The following ZMYND11 variants were observed in gnomAD, a reference collection of about 807,000 sequenced individuals.
ZMYND11 encodes zinc finger MYND-type containing 11.
Under a neutral mutation model 84.9 loss-of-function variants are expected in ZMYND11, and 9 were observed. The observed-to-expected ratio is 0.11, with a 90% CI of 0.06 to 0.18. ZMYND11 has a LOEUF of 0.18. Ranked by LOEUF, ZMYND11 falls within the 10% of genes least tolerant of loss-of-function variation. The probability of loss-of-function intolerance (pLI) is 1.00; values close to 1 mark genes in which losing one functional copy is unlikely to be tolerated. For synonymous variants in ZMYND11, 250 were observed against 244.1 expected (o/e 1.02, Z -0.23); for missense variants, 409 against 761.0 (o/e 0.54, Z 5.44).
intron 4 of ZMYND11, among the ~76,000 whole-genome samples, chr10:225,050 T>C (rs1388282498): frequency 6.6e-6 from 1 of 151,592 alleles, no homozygotes; most frequent in Non-Finnish European, 1.5e-5. Flanking sequence ...GCTTTTAAGA[T>C]TTTAAGATTT....
chr10:179,926 AC>A, intron 1 of ZMYND11, 67 bp from the exon 2 acceptor site: 1 of 857,756 alleles, frequency 1.2e-6, no homozygotes, highest in Non-Finnish European at 1.8e-6. Context: ...TGATAATGTT[AC>A]TCACTTATAC....
chr10:151,524 A>C (rs1840364147), intron 1 of ZMYND11, among the ~76,000 whole-genome samples: 2 of 152,204 alleles, frequency 1.3e-5, no homozygotes, highest in Non-Finnish European at 2.9e-5. Context: ...AAAAGAGAGT[A>C]AAAAGAAATG....
chr10:243,864 C>CA (rs113839628), intron 10 of ZMYND11, among the ~76,000 whole-genome samples: 112 of 152,042 alleles, frequency 7.4e-4, no homozygotes, highest in Admixed American at 2.8e-3. Flanking sequence ...GACTCCGTCT[C>CA]AAAAAAATAA....
intron 2 of ZMYND11, among the ~76,000 whole-genome samples, chr10:193,253 C>T (rs1430791996): frequency 6.6e-6 from 1 of 152,104 alleles, no homozygotes; most frequent in Non-Finnish European, 1.5e-5. Context: ...TCTTATGTTT[C>T]ACTCCATAGT....
intron 1 of ZMYND11, among the ~76,000 whole-genome samples, chr10:147,519 T>A (rs915575852): frequency 1.3e-5 from 2 of 151,884 alleles, no homozygotes; most frequent in East Asian, 1.9e-4. Flanking sequence ...ATGTGCCTTT[T>A]TAAATTTTTT....
intron 1 of ZMYND11, among the ~76,000 whole-genome samples, chr10:163,227 A>AC (rs775357626): frequency 9.3e-5 from 14 of 150,258 alleles, no homozygotes; most frequent in African/African-American, 3.2e-4. Flanking sequence ...GCTCCCCATC[A>AC]CCCCCCCACT....
At chr10:178,638 T>A (rs572869601) in intron 1 of ZMYND11, among the ~76,000 whole-genome samples, 1 of 152,362 alleles carries the variant, frequency 6.6e-6, no homozygotes, top group East Asian at 1.9e-4. Context: ...CTGATTTTCC[T>A]AAAGTTTTCT....
chr10:131,324 A>T (rs1176332759), upstream of ZMYND11, among the ~76,000 whole-genome samples: 1 of 152,174 alleles, frequency 6.6e-6, no homozygotes, highest in Non-Finnish European at 1.5e-5. Context: ...CTGTACATTC[A>T]TGGACAGAAG....
chr10:178,152 AC>A (rs2131752826), intron 1 of ZMYND11, among the ~76,000 whole-genome samples: 1 of 152,300 alleles, frequency 6.6e-6, no homozygotes, highest in East Asian at 1.9e-4. Context: ...TTTTTATAGC[AC>A]ATATTGTGGA....
At chr10:148,432 A>G (rs1839440630) in intron 1 of ZMYND11, 1 of 152,180 alleles carries the variant, frequency 6.6e-6, no homozygotes, top group African/African-American at 2.4e-5. Context: ...TGCTCTGGGA[A>G]GAAGTCCTAA....
intron 9 of ZMYND11, among the ~76,000 whole-genome samples, chr10:241,760 G>A (rs970064299): frequency 3.9e-5 from 6 of 152,120 alleles, no homozygotes; most frequent in African/African-American, 1.2e-4. Flanking sequence ...TTGGCCAAGC[G>A]GGTGCTCTTG....
chr10:245,046 T>C (rs953755277), intron 10 of ZMYND11, among the ~76,000 whole-genome samples: 1 of 152,196 alleles, frequency 6.6e-6, no homozygotes, highest in Non-Finnish European at 1.5e-5. Context: ...TCAGTAAATA[T>C]CTGTTGATTG....
chr10:157,953 A>G (rs1335533897), intron 1 of ZMYND11, among the ~76,000 whole-genome samples: 1 of 152,232 alleles, frequency 6.6e-6, no homozygotes, highest in South Asian at 2.1e-4. Flanking sequence ...TGTAAATGAA[A>G]TCATATAATA....
chr10:248,721 T>C (rs1952720100), intron 13 of ZMYND11, 113 bp downstream of exon 13: 1 of 1,410,220 alleles, frequency 7.1e-7, no homozygotes, highest in Non-Finnish European at 9.4e-7. Context: ...AGCCATATAA[T>C]GACACCAGTA....
chr10:224,601 A>G (rs182394971), intron 4 of ZMYND11, among the ~76,000 whole-genome samples: 1 of 152,224 alleles, frequency 6.6e-6, no homozygotes, highest in Non-Finnish European at 1.5e-5. Context: ...ACCGTATTCC[A>G]TAGTAGGTAA....
intron 1 of ZMYND11, among the ~76,000 whole-genome samples, chr10:156,131 A>G (rs1841659618): frequency 6.6e-6 from 1 of 152,208 alleles, no homozygotes; most frequent in Non-Finnish European, 1.5e-5. Context: ...ATGGGTTTCA[A>G]CTGGGTAAAG....
At chr10:217,709 G>T (rs988708045) in intron 3 of ZMYND11, among the ~76,000 whole-genome samples, 1 of 152,064 alleles carries the variant, frequency 6.6e-6, no homozygotes, top group Non-Finnish European at 1.5e-5. Context: ...AGGCACTCCC[G>T]TAAGGACTGT....
intron 2 of ZMYND11, among the ~76,000 whole-genome samples, chr10:180,600 C>G (rs1191953673): frequency 6.6e-6 from 1 of 152,200 alleles, no homozygotes; most frequent in Non-Finnish European, 1.5e-5. Context: ...AGGGTTTCAC[C>G]ATGTTGGCCA....
At position 239,423 on chromosome 10, in the gene ZMYND11, T is replaced by C; in HGVS notation, c.610-15T>C. 6.2e-7 allele frequency: 1 copy of C among 1,607,672 alleles called. No homozygotes were observed. Among genetic ancestry groups the C allele is most frequent in the Admixed American group, 1.7e-5 (1 of 59,378 alleles). On this transcript the variant is annotated splice_polypyrimidine_tract_variant and intron_variant, in intron 6 of 14. Coordinates refer to ENST00000381604, the MANE Select transcript of ZMYND11 (RefSeq NM_001370100.5). Reference sequence around the variant, plus strand: ...TGGTAACTCTTTTCGTCATTCTGTTTTTTGCCCTCTGCAGAAAGTGAATGA... The same window carrying C: ...TGGTAACTCTTTTCGTCATTCTGTTCTTTGCCCTCTGCAGAAAGTGAATGA...
Sources: gnomAD v4.1 joint callset for allele counts (sites outside exome capture counted in the v4.1 genomes callset) on GRCh38, gnomAD v4.1.1 for gene constraint, MANE v1.5 for transcripts, NCBI Gene and HGNC (gene_info 2026-07-23, HGNC 2026-07-21) for gene names.